The following CCDC91 variants were observed in gnomAD, a reference collection of about 807,000 sequenced individuals.
CCDC91 encodes the protein coiled-coil domain-containing protein 91.
CCDC91 carries 48 observed loss-of-function variants against 63.2 expected under a neutral mutation model. The observed-to-expected ratio is 0.76, with a 90% CI of 0.60 to 0.97. The LOEUF (loss-of-function observed/expected upper bound fraction) is 0.97, where lower values mean the gene tolerates loss of function less well. CCDC91 is among the 50% of genes least tolerant of loss of function. The pLI is 0.00. For missense variants in CCDC91, 500 were observed against 494.6 expected (o/e 1.01, Z -0.10); for synonymous variants, 167 against 165.8 (o/e 1.01, Z -0.06).
rs200016184 is a variant in CCDC91, at chr12:28,489,449, AC to A, written c.1215+5285del. Among the ~76,000 whole-genome samples, 14 of 151,986 alleles carry A rather than the reference AC, an allele frequency of 9.2e-5. No homozygotes were observed. In the East Asian group the frequency reaches 2.7e-3, roughly 29 times the overall value. On this transcript the variant is annotated intron_variant, in intron 12 of 12. Transcript: ENST00000536442. ...AGAACGAAGAGTTCCAACCCATCCC[AC>A]AAGTTAAGACTGTTACACATGAGTT...
At chr12:28,483,147 T>C (rs1261929022) in intron 11 of CCDC91, among the ~76,000 whole-genome samples, 1 of 151,958 alleles carries the variant, frequency 6.6e-6, no homozygotes, top group Non-Finnish European at 1.5e-5. Flanking sequence ...ATTTTCTGAG[T>C]TACATATAAA....
At chr12:28,493,156 C>A (rs1006941676) in intron 12 of CCDC91, among the ~76,000 whole-genome samples, 2 of 151,524 alleles carry the variant, frequency 1.3e-5, no homozygotes, top group Admixed American at 6.6e-5. Flanking sequence ...TAAAATAATA[C>A]CTCATTTTAC....
chr12:28,342,009 C>A (rs957145743), intron 6 of CCDC91, among the ~76,000 whole-genome samples: 4 of 152,130 alleles, frequency 2.6e-5, no homozygotes, highest in African/African-American at 9.7e-5. Context: ...TAATTACGAT[C>A]TCAGACCTCA....
At chr12:28,520,278 T>A (rs575210618) in intron 12 of CCDC91, among the ~76,000 whole-genome samples, 47 of 152,320 alleles carry the variant, frequency 3.1e-4, no homozygotes, top group African/African-American at 1.1e-3. Flanking sequence ...TGGTGTGAGA[T>A]GGTGTCTCAT....
chr12:28,356,127 T>C (rs1337603583), intron 6 of CCDC91, among the ~76,000 whole-genome samples: 14 of 152,252 alleles, frequency 9.2e-5, no homozygotes. Flanking sequence ...TTACTACATG[T>C]ATAGAGAGAC....
At chr12:28,515,616 T>C (rs1939857433) in intron 12 of CCDC91, among the ~76,000 whole-genome samples, 1 of 151,928 alleles carries the variant, frequency 6.6e-6, no homozygotes, top group Non-Finnish European at 1.5e-5. Context: ...AAACAAGCTG[T>C]TGTTTCATAA....
At chr12:28,247,205 G>T (rs563728623) in intron 1 of CCDC91, among the ~76,000 whole-genome samples, 44 of 152,226 alleles carry the variant, frequency 2.9e-4, no homozygotes, top group Non-Finnish European at 4.9e-4. Flanking sequence ...TTTGGGCTGG[G>T]CGTGGTGGCT....
At chr12:28,232,641 G>A (rs903939397) in intron 1 of CCDC91, among the ~76,000 whole-genome samples, 2 of 152,072 alleles carry the variant, frequency 1.3e-5, no homozygotes, top group African/African-American at 4.8e-5. Context: ...AAGTTTTGTG[G>A]TCATTTGAGA....
chr12:28,459,735 G>A (rs913556328), intron 11 of CCDC91, among the ~76,000 whole-genome samples: 1 of 152,148 alleles, frequency 6.6e-6, no homozygotes, highest in Non-Finnish European at 1.5e-5. Flanking sequence ...ATGGCTGCAT[G>A]AATACAAGTA....
chr12:28,471,312 C>A (rs1232541565), intron 11 of CCDC91, among the ~76,000 whole-genome samples: 6 of 152,126 alleles, frequency 3.9e-5, no homozygotes, highest in African/African-American at 1.4e-4. Flanking sequence ...TATATATGAA[C>A]AAACTATCAA....
At chr12:28,527,228 A>G (rs1941338864) in intron 12 of CCDC91, among the ~76,000 whole-genome samples, 1 of 151,990 alleles carries the variant, frequency 6.6e-6, no homozygotes, top group African/African-American at 2.4e-5. Flanking sequence ...TCTTATTTGG[A>G]TAGGCTCTGT....
intron 12 of CCDC91, among the ~76,000 whole-genome samples, chr12:28,541,347 G>T (rs1455191730): frequency 1.3e-5 from 2 of 152,036 alleles, no homozygotes; most frequent in Non-Finnish European, 1.5e-5. Context: ...CTTGTGGACA[G>T]TCTCTCTTGC....
chr12:28,370,414 T>C lies in CCDC91; in HGVS notation c.654+7899T>C, dbSNP rs568221257. ...GAGTGACATTTGCTCCAGATCCCAA[T>C]AGGTTTCTCATCCTCCTCTGAGACC... On this transcript the variant is annotated intron_variant, in intron 7 of 12. Coordinates refer to ENST00000536442, the MANE Select transcript of CCDC91 (RefSeq NM_018318.5). Among the ~76,000 whole-genome samples the C allele has an allele frequency of 1.2e-4, 19 of 152,334 alleles. No individual in the cohort carries two copies. In the South Asian group the frequency reaches 3.9e-3, roughly 32 times the overall value.
chr12:28,409,954 A>C (rs1947214110), intron 8 of CCDC91, among the ~76,000 whole-genome samples: 1 of 152,122 alleles, frequency 6.6e-6, no homozygotes, highest in Admixed American at 6.6e-5. Flanking sequence ...CCTAGACTAT[A>C]GTCTGTCTTT....
intron 12 of CCDC91, among the ~76,000 whole-genome samples, chr12:28,492,208 T>C (rs1274523569): frequency 6.6e-6 from 1 of 151,736 alleles, no homozygotes; most frequent in East Asian, 1.9e-4. Context: ...GAAGCTTCAG[T>C]ATAAATGTTT....
chr12:28,486,695 A>G (rs566460761), intron 12 of CCDC91, among the ~76,000 whole-genome samples: 6 of 152,198 alleles, frequency 3.9e-5, no homozygotes, highest in East Asian at 3.9e-4. Context: ...AGAGCTGACA[A>G]TGAACTCTGG....
intron 7 of CCDC91, among the ~76,000 whole-genome samples, chr12:28,385,650 G>A (rs1945552710): frequency 6.6e-6 from 1 of 152,068 alleles, no homozygotes; most frequent in Admixed American, 6.5e-5. Context: ...ATTCTTTTAT[G>A]GTCACATAAT....
intron 1 of CCDC91, among the ~76,000 whole-genome samples, chr12:28,232,221 A>G (rs1276900875): frequency 2.0e-5 from 3 of 152,194 alleles, no homozygotes; most frequent in Non-Finnish European, 4.4e-5. Context: ...TTGGAAACAC[A>G]TAATACAGTG....
intron 12 of CCDC91, among the ~76,000 whole-genome samples, chr12:28,504,654 T>C (rs1317642736): frequency 6.6e-5 from 10 of 151,982 alleles, no homozygotes; most frequent in Non-Finnish European, 1.3e-4. Context: ...TCCTAACTGG[T>C]ATCCTTACTT....
Sources: gnomAD v4.1 joint callset for allele counts (sites outside exome capture counted in the v4.1 genomes callset) on GRCh38, gnomAD v4.1.1 for gene constraint, MANE v1.5 for transcripts, NCBI Gene and HGNC (gene_info 2026-07-23, HGNC 2026-07-21) for gene names.